ZFHX4: variants seen among roughly 807,000 people sequenced by gnomAD.
The protein encoded by ZFHX4 is zinc finger homeobox 4.
ZFHX4 carries 56 observed loss-of-function variants against 267.6 expected under a neutral mutation model. That is an observed-to-expected ratio of 0.21 (90% CI 0.17 to 0.26). ZFHX4 has a LOEUF of 0.26. Among genes scored for constraint, ZFHX4 ranks in the 10% least tolerant of loss-of-function variants. ZFHX4 has a pLI of 1.00. For synonymous variants in ZFHX4, 1,778 were observed against 1,665.6 expected, an observed-to-expected ratio of 1.07 and a Z score of -1.64; for missense variants, 4,332 against 4,420.0, an observed-to-expected ratio of 0.98 and a Z score of 0.56.
chr8:76,766,080 T>A (rs1402572393), intron 3 of ZFHX4, among the ~76,000 whole-genome samples: 1 of 152,072 alleles, frequency 6.6e-6, no homozygotes, highest in Non-Finnish European at 1.5e-5. Flanking sequence ...GAGTGTTAAG[T>A]ATTATACATA....
chr8:76,769,530 T>TG lies in ZFHX4; in HGVS notation c.3094-8678_3094-8677insG, dbSNP rs1441963411. 2.0e-5 allele frequency among the ~76,000 whole-genome samples: 3 copies of TG among 152,130 alleles called. No individual in the cohort carries two copies. In the East Asian group the frequency reaches 5.8e-4, roughly 29 times the overall value. ...TATGCCTGGCTAATTTTTGTATTTT[T>TG]TGTAGATACAGGAGTTTGCCATATT... On this transcript the variant is annotated intron_variant, in intron 3 of 10. Coordinates refer to ENST00000651372, the MANE Select transcript of ZFHX4 (RefSeq NM_024721.5).
At chr8:76,696,719 T>C (rs1364692874) in intron 1 of ZFHX4, among the ~76,000 whole-genome samples, 1 of 150,240 alleles carries the variant, frequency 6.7e-6, no homozygotes, top group African/African-American at 2.4e-5. Context: ...ATCTCAGAAA[T>C]CAAACATAAG....
chr8:76,810,358 A>T (rs904448466), intron 4 of ZFHX4, among the ~76,000 whole-genome samples: 2 of 152,140 alleles, frequency 1.3e-5, no homozygotes, highest in African/African-American at 4.8e-5. Flanking sequence ...TATTTGTCTG[A>T]TAGAGCTGGC....
intron 3 of ZFHX4, among the ~76,000 whole-genome samples, chr8:76,728,620 G>A (rs1191137964): frequency 1.3e-5 from 2 of 152,116 alleles, no homozygotes; most frequent in African/African-American, 4.8e-5. Flanking sequence ...TGGAAGAACC[G>A]GCCTTTATCA....
At chr8:76,713,306 T>C (rs1018520078) in intron 3 of ZFHX4, among the ~76,000 whole-genome samples, 1 of 138,538 alleles carries the variant, frequency 7.2e-6, no homozygotes, top group Admixed American at 7.4e-5. Context: ...GATAGATAGA[T>C]AGATAGATAG....
chr8:76,707,472 T>G (rs1378259575), intron 2 of ZFHX4, 74 bp from the exon 3 acceptor site: 3 of 1,346,438 alleles, frequency 2.2e-6, no homozygotes, highest in East Asian at 5.1e-5. Context: ...TGTCAAGACT[T>G]TATTTTACAG....
intron 4 of ZFHX4, among the ~76,000 whole-genome samples, chr8:76,794,482 C>T (rs1393704759): frequency 6.6e-6 from 1 of 152,122 alleles, no homozygotes; most frequent in East Asian, 1.9e-4. Context: ...TTCTTTTGCT[C>T]TGTGGCAACA....
rs773532249 is a variant in ZFHX4, at chr8:76,705,914, C to T, written c.1826C>T (p.Pro609Leu). 25 of 1,613,448 alleles carry T rather than the reference C, an allele frequency of 1.5e-5. 1 individual carries two copies. In the East Asian group the frequency reaches 1.6e-4, roughly 10 times the overall value. The change falls in exon 2 of 11, where the codon CCG (proline) becomes CTG (leucine). Residue 609 changes from proline to leucine, a missense_variant. Coordinates refer to ENST00000651372, the MANE Select transcript of ZFHX4 (RefSeq NM_024721.5). ...CCAGGGCCTGGAGGAGACGGCTCAC[C>T]GGGCAGTGGCATCGAGTGTCCAAAG... ...GTPGPGGDGS[P>L]GSGIECPKCD...
intron 1 of ZFHX4, among the ~76,000 whole-genome samples, chr8:76,697,234 A>G (rs557982652): frequency 3.7e-4 from 57 of 152,148 alleles, no homozygotes; most frequent in African/African-American, 1.3e-3. Context: ...AGGAGAAAAA[A>G]TATAGACGCA....
In ZFHX4 at chr8:76,852,884, C is replaced by T. The variant is rs1812577179; in HGVS notation, c.5963C>T (p.Ala1988Val). 1.2e-6 allele frequency: 2 copies of T among 1,613,258 alleles called. No homozygotes were observed. The highest frequency in any genetic ancestry group is 1.7e-6 in the Non-Finnish European group (2 of 1,179,632). The change falls in exon 10 of 11, where the codon GCC becomes GTC. Residue 1988 changes from alanine to valine, a missense_variant. Ala to Val is a moderately conservative substitution (Grantham distance 64). This residue lies in a region of ZFHX4 where 1,371 missense variants were observed against 1,423.1 expected (regional missense o/e 0.96). Transcript: ENST00000651372. The part of the protein sequence containing the change: ...LEKFARQYRE[A>V]YDKLYPISPS... ...AAATTTGCTCGTCAATACAGGGAGG[C>T]CTATGACAAGCTTTATCCAATTTCT...
intron 4 of ZFHX4, among the ~76,000 whole-genome samples, chr8:76,810,899 C>T (rs1291298052): frequency 6.6e-6 from 1 of 152,020 alleles, no homozygotes; most frequent in Non-Finnish European, 1.5e-5. Flanking sequence ...TGTTTCCTTC[C>T]TTCCTTTCTG....
In ZFHX4 at chr8:76,853,608, T is replaced by C. The variant is rs577765109; in HGVS notation, c.6687T>C (p.Ser2229=). 4.2e-5 allele frequency: 68 copies of C among 1,613,888 alleles called. 3 individuals are homozygous for C. In the African/African-American group the frequency reaches 4.8e-4, roughly 11 times the overall value. The change falls in exon 10 of 11, where the codon TCT becomes TCC. Residue 2229 remains serine, a synonymous_variant. Transcript: ENST00000651372. The stretch of plus-strand genomic sequence containing the variant: ...ATGCATCATTCAGTAAAAGGTCTTC[T>C]AGAACGAGATTTACTGACTACCAGC... ...KSDASFSKRS[S]RTRFTDYQLR... is the part of the protein sequence containing the mutation.
At chr8:76,797,357 A>G (rs919987088) in intron 4 of ZFHX4, among the ~76,000 whole-genome samples, 4 of 152,212 alleles carry the variant, frequency 2.6e-5, no homozygotes, top group African/African-American at 9.6e-5. Context: ...TTTCATATGT[A>G]TAACCATAAG....
intron 4 of ZFHX4, among the ~76,000 whole-genome samples, chr8:76,809,117 A>G (rs1811314885): frequency 6.6e-6 from 1 of 152,148 alleles, no homozygotes; most frequent in South Asian, 2.1e-4. Flanking sequence ...CTGTGATTGC[A>G]ATTTGAAAAA....
intron 3 of ZFHX4, among the ~76,000 whole-genome samples, chr8:76,754,744 C>G (rs1809719047): frequency 6.6e-6 from 1 of 152,076 alleles, no homozygotes; most frequent in Non-Finnish European, 1.5e-5. Flanking sequence ...CATATGGTCA[C>G]TTATTGTTAA....
In ZFHX4 at chr8:76,704,256, C is replaced by A; in HGVS notation, c.168C>A (p.Arg56=). 6.2e-7 allele frequency: 1 copy of A among 1,613,988 alleles called. No individual in the cohort carries two copies. The highest frequency in any genetic ancestry group is 2.2e-5 in the East Asian group (1 of 44,884). ...STDDNLKTDE[R]KSEALLGFSV... Reference sequence around the variant, plus strand: ...ATGACAACCTGAAAACGGATGAGCGCAAAAGTGAAGCCTTGCTGGGTTTCA... The same window carrying A: ...ATGACAACCTGAAAACGGATGAGCGAAAAAGTGAAGCCTTGCTGGGTTTCA... Residue 56 remains arginine (R), a synonymous_variant, in exon 2 of 11, where the codon CGC becomes CGA. Transcript: ENST00000651372.
chr8:76,779,593 C>T lies in ZFHX4; in HGVS notation c.3325+1154C>T, dbSNP rs148821113. Among the ~76,000 whole-genome samples, 6 of 152,196 alleles carry T rather than the reference C, an allele frequency of 3.9e-5. No homozygotes were observed. In the East Asian group the frequency reaches 7.7e-4, roughly 20 times the overall value. On this transcript the variant is annotated intron_variant, in intron 4 of 10. Transcript: ENST00000651372. The stretch of plus-strand genomic sequence containing the variant: ...CGGACCAATGAGGGCACTGCAGCAG[C>T]GAAAAGTCATCCATAAAAATGAAAA...
chr8:76,835,219 G>GTATATATATA (rs773901442), intron 5 of ZFHX4, among the ~76,000 whole-genome samples: 2 of 76,112 alleles, frequency 2.6e-5, no homozygotes, highest in African/African-American at 1.2e-4. Context: ...GTATATATAT[G>GTATATATATA]TATATATATA....
chr8:76,741,203 A>G (rs1809306973), intron 3 of ZFHX4, among the ~76,000 whole-genome samples: 1 of 152,222 alleles, frequency 6.6e-6, no homozygotes, highest in Non-Finnish European at 1.5e-5. Context: ...GGAGACTAGG[A>G]ACAGATGACA....
Sources: gnomAD v4.1 joint callset for allele counts (sites outside exome capture counted in the v4.1 genomes callset) on GRCh38, gnomAD v4.1.1 for gene constraint, gnomAD v4.1.1 regional missense constraint, MANE v1.5 for transcripts, NCBI Gene and HGNC (gene_info 2026-07-23, HGNC 2026-07-21) for gene names.